The following MGAT4C variants were observed in gnomAD, a reference collection of about 807,000 sequenced individuals.
The protein encoded by MGAT4C is alpha-1,3-mannosyl-glycoprotein 4-beta-N-acetylglucosaminyltransferase C.
Under a neutral mutation model 40.1 loss-of-function variants are expected in MGAT4C, and 19 were observed. That is an observed-to-expected ratio of 0.47 (90% CI 0.33 to 0.70). MGAT4C has a LOEUF of 0.70. Ranked by LOEUF, MGAT4C falls within the 30% of genes least tolerant of loss-of-function variation. The pLI is 0.02. For missense variants in MGAT4C, 491 were observed against 563.2 expected (o/e 0.87, Z 1.30); for synonymous variants, 181 against 187.1 (o/e 0.97, Z 0.27).
At chr12:86,767,484 G>C (rs1441146049) in intron 1 of MGAT4C, among the ~76,000 whole-genome samples, 1 of 152,060 alleles carries the variant, frequency 6.6e-6, no homozygotes, top group Admixed American at 6.6e-5. Context: ...CCAATCAATA[G>C]AAAAAGAGGG....
At chr12:86,408,483 A>G (rs57941529) in intron 3 of MGAT4C, among the ~76,000 whole-genome samples, 7 of 57,634 alleles carry the variant, frequency 1.2e-4, no homozygotes, top group African/African-American at 5.4e-4. Context: ...CTCTCTCTAT[A>G]TATATATATA....
intron 2 of MGAT4C, among the ~76,000 whole-genome samples, chr12:85,994,141 G>A (rs1229181705): frequency 1.3e-5 from 2 of 151,572 alleles, no homozygotes; most frequent in Non-Finnish European, 3.0e-5. Flanking sequence ...CATTAGTTCT[G>A]TCTACAATAA....
chr12:86,690,297 T>C, intron 2 of MGAT4C, among the ~76,000 whole-genome samples: 1 of 152,130 alleles, frequency 6.6e-6, no homozygotes, highest in East Asian at 1.9e-4. Context: ...GCTCCCTGGC[T>C]TCAGTCCTCT....
At chr12:86,292,040 C>G (rs937752003) in intron 4 of MGAT4C, among the ~76,000 whole-genome samples, 1 of 152,118 alleles carries the variant, frequency 6.6e-6, no homozygotes, top group Non-Finnish European at 1.5e-5. Context: ...ATGCTTGATT[C>G]TCCACATTCA....
At position 86,220,550 on chromosome 12, in the gene MGAT4C, C is replaced by A. The variant is rs553457551; in HGVS notation, c.-57+35689G>T. On this transcript the variant is annotated intron_variant, in intron 1 of 4. Transcript: ENST00000611864. ...AGCCTTCAACCATGCAATGATTCAA[C>A]AATAGAGCCTTAGACAAATATCACT... 1.5e-3 allele frequency among the ~76,000 whole-genome samples: 231 copies of A among 152,288 alleles called. 1 individual carries two copies. The highest frequency in any genetic ancestry group is 5.4e-3 in the African/African-American group (224 of 41,566).
At chr12:86,369,627 T>C (rs1955678298) in intron 3 of MGAT4C, among the ~76,000 whole-genome samples, 1 of 152,048 alleles carries the variant, frequency 6.6e-6, no homozygotes, top group Admixed American at 6.5e-5. Flanking sequence ...CCACATACAC[T>C]ATGCTATTGA....
At chr12:86,325,782 C>T (rs1361838157) in intron 4 of MGAT4C, among the ~76,000 whole-genome samples, 2 of 151,942 alleles carry the variant, frequency 1.3e-5, no homozygotes, top group South Asian at 2.1e-4. Context: ...GAGGCTGAAG[C>T]GGGAGGGTCA....
chr12:86,379,120 CTTAT>C (rs1592764245), intron 3 of MGAT4C, among the ~76,000 whole-genome samples: 1 of 151,960 alleles, frequency 6.6e-6, no homozygotes, highest in African/African-American at 2.4e-5. Flanking sequence ...AGGTTCTCAG[CTTAT>C]TTATTTTTAA....
At chr12:86,485,295 G>T (rs930266823) in intron 2 of MGAT4C, among the ~76,000 whole-genome samples, 4 of 152,058 alleles carry the variant, frequency 2.6e-5, no homozygotes, top group African/African-American at 9.7e-5. Flanking sequence ...GCTTATCAAG[G>T]TTCAGGAACA....
At chr12:86,774,338 T>TCTTTCTTC (rs1565981624) in intron 1 of MGAT4C, among the ~76,000 whole-genome samples, 2 of 101,674 alleles carry the variant, frequency 2.0e-5, no homozygotes, top group African/African-American at 7.4e-5. Flanking sequence ...TTTCTTTCTT[T>TCTTTCTTC]CTGTCTCTCT....
At chr12:86,656,576 T>C (rs963289369) in intron 2 of MGAT4C, among the ~76,000 whole-genome samples, 5 of 152,102 alleles carry the variant, frequency 3.3e-5, no homozygotes, top group Non-Finnish European at 5.9e-5. Context: ...ACATGTGTGC[T>C]GGAACTTTTC....
intron 2 of MGAT4C, among the ~76,000 whole-genome samples, chr12:86,492,090 G>A (rs1265899977): frequency 6.6e-6 from 1 of 152,078 alleles, no homozygotes; most frequent in African/African-American, 2.4e-5. Context: ...AACTTGCAAG[G>A]GATGTGAAGG....
intron 2 of MGAT4C, among the ~76,000 whole-genome samples, chr12:86,697,558 C>T (rs2136608331): frequency 6.6e-6 from 1 of 152,086 alleles, no homozygotes; most frequent in African/African-American, 2.4e-5. Flanking sequence ...AAAGGGTCTC[C>T]CACTCACTCT....
chr12:86,264,113 T>A (rs1257523774), intron 4 of MGAT4C, among the ~76,000 whole-genome samples: 1 of 152,150 alleles, frequency 6.6e-6, no homozygotes, highest in East Asian at 1.9e-4. Context: ...TCTGCAAATA[T>A]TTTCTCCCGT....
Position 85,968,509 on chromosome 12 carries a change from T to A in MGAT4C, c.*10780A>T, listed in dbSNP as rs1377493664. 6.6e-6 allele frequency: 1 copy of A among 151,986 alleles called. No individual in the cohort carries two copies. Among genetic ancestry groups the A allele is most frequent in the Admixed American group, 6.6e-5 (1 of 15,226 alleles). 9.4% of individuals were successfully genotyped at this position (151,986 alleles called of 1,614,324 possible). A position where few individuals can be genotyped will look rare whatever the true frequency, so the allele number is the denominator to read the frequency against. On this transcript the variant is annotated 3_prime_UTR_variant, in exon 5 of 5. Transcript: ENST00000611864. ...AACCATAAAAATTGACTGGAACTTTTATTTTTCAGTACAACAATAATAGTA... is the reference window on the plus strand; with the variant it reads ...AACCATAAAAATTGACTGGAACTTTAATTTTTCAGTACAACAATAATAGTA...
chr12:86,319,409 C>T (rs896453161), intron 4 of MGAT4C, among the ~76,000 whole-genome samples: 3 of 152,092 alleles, frequency 2.0e-5, no homozygotes, highest in East Asian at 3.9e-4. Context: ...CCCATTTCCA[C>T]GTAGTCCATC....
intron 2 of MGAT4C, among the ~76,000 whole-genome samples, chr12:86,680,942 T>G (rs1565921731): frequency 6.6e-6 from 1 of 151,964 alleles, no homozygotes; most frequent in Non-Finnish European, 1.5e-5. Context: ...TTGCAAGCAT[T>G]TTTTTCTGGT....
rs1421428775 is a variant in MGAT4C at position 85,973,418 on chromosome 12, T to A, written c.*5871A>T. On this transcript the variant is annotated 3_prime_UTR_variant, in exon 5 of 5. Transcript: ENST00000611864. Reference sequence around the variant, plus strand: ...TAAAGCTGTAGTAACTTACAGTACATTGAAATTATAGACTAAGGTTCTGAA... The same window carrying A: ...TAAAGCTGTAGTAACTTACAGTACAATGAAATTATAGACTAAGGTTCTGAA... 6.6e-6 allele frequency: 1 copy of A among 150,836 alleles called. No homozygotes were observed. Among genetic ancestry groups the A allele is most frequent in the Admixed American group, 6.6e-5 (1 of 15,082 alleles). The allele number at this position is 150,836 out of a possible 1,614,324, so 9.3% of individuals were successfully genotyped here.
rs564711778 is a variant in MGAT4C at position 86,632,108 on chromosome 12, T to C, written c.-229+95101A>G. Among the ~76,000 whole-genome samples the C allele has an allele frequency of 9.9e-5, 15 of 151,984 alleles. No individual in the cohort carries two copies. The South Asian group carries it at 1.9e-3, about 19-fold the overall frequency. On this transcript the variant is annotated intron_variant, in intron 2 of 7. Transcript: ENST00000548651. ...AAAGTGGGCAAAGGATATGAACAGA[T>C]ACTTCTCAAAAGAAGACATTTATGC...
Sources: allele counts gnomAD v4.1 joint callset (sites outside exome capture counted in the v4.1 genomes callset), GRCh38; gene constraint gnomAD v4.1.1; transcripts MANE v1.5; gene names NCBI Gene and HGNC (gene_info 2026-07-23, HGNC 2026-07-21).